The following CACNA2D3 variants were observed in gnomAD, a reference collection of about 807,000 sequenced individuals.
CACNA2D3 encodes calcium voltage-gated channel auxiliary subunit alpha2delta 3, also known as voltage-dependent calcium channel subunit alpha-2/delta-3.
A neutral mutation model predicts 160.6 loss-of-function variants in CACNA2D3; 60 were observed. That is an observed-to-expected ratio of 0.37 (90% CI 0.30 to 0.46). CACNA2D3 has a LOEUF of 0.46. Ranked by LOEUF, CACNA2D3 falls within the 20% of genes least tolerant of loss-of-function variation. The pLI is 1.00. For synonymous variants in CACNA2D3, 558 were observed against 492.9 expected (o/e 1.13, Z -1.75); for missense variants, 1,205 against 1,365.0 (o/e 0.88, Z 1.85).
At chr3:54,185,465 A>T (rs189697122) in intron 2 of CACNA2D3, among the ~76,000 whole-genome samples, 24 of 152,216 alleles carry the variant, frequency 1.6e-4, no homozygotes, top group African/African-American at 5.5e-4. Flanking sequence ...CCAAAATTTT[A>T]ATTTGTCTGC....
At chr3:54,977,694 G>A (rs1702421890) in intron 29 of CACNA2D3, among the ~76,000 whole-genome samples, 2 of 152,192 alleles carry the variant, frequency 1.3e-5, no homozygotes, top group African/African-American at 2.4e-5. Flanking sequence ...GAGGTTAGCC[G>A]CCCCTTGCTT....
At chr3:54,670,078 C>G (rs1026137451) in intron 11 of CACNA2D3, among the ~76,000 whole-genome samples, 1 of 152,166 alleles carries the variant, frequency 6.6e-6, no homozygotes, top group African/African-American at 2.4e-5. Flanking sequence ...CCTTGCTCTC[C>G]CCCACAGGAA....
chr3:54,159,552 A>C (rs1700304704), intron 2 of CACNA2D3, among the ~76,000 whole-genome samples: 1 of 152,128 alleles, frequency 6.6e-6, no homozygotes, highest in South Asian at 2.1e-4. Flanking sequence ...AATTCAATGA[A>C]CCTTTCTCCG....
chr3:54,244,804 G>A (rs117356159), intron 2 of CACNA2D3, among the ~76,000 whole-genome samples: 3,657 of 152,270 alleles, frequency 0.024, 109 homozygotes, highest in African/African-American at 0.072. Flanking sequence ...TTACAGTACT[G>A]TCTATACATA....
chr3:54,287,193 C>T (rs1296431848), intron 2 of CACNA2D3, among the ~76,000 whole-genome samples: 1 of 152,038 alleles, frequency 6.6e-6, no homozygotes, highest in Non-Finnish European at 1.5e-5. Context: ...ATCTCACGTG[C>T]AGAGACACAC....
rs1423369519 is a variant in CACNA2D3, at chr3:54,503,530, C to A, written c.420C>A (p.Asp140Glu). 1 of 1,613,836 alleles carries A rather than the reference C, an allele frequency of 6.2e-7. No homozygotes were observed. The highest frequency in any genetic ancestry group is 8.5e-7 in the Non-Finnish European group (1 of 1,179,776). ...YFNAVLINER[D>E]KDGNFLELGK... Reference sequence around the variant, plus strand: ...ATGCTGTGCTGATAAATGAAAGGGACAAAGACGGGAATTTTTTGGAGCTGG... The same window carrying A: ...ATGCTGTGCTGATAAATGAAAGGGAAAAAGACGGGAATTTTTTGGAGCTGG... The change falls in exon 5 of 38, where the codon GAC becomes GAA. Residue 140 changes from aspartate (D) to glutamate (E), a missense_variant. Around this residue, in one of 3 missense-constraint regions of CACNA2D3, gnomAD observed 131 missense variants for 201.5 expected, o/e 0.65. Coordinates refer to ENST00000474759, the MANE Select transcript of CACNA2D3 (RefSeq NM_018398.3).
rs762179372 is a variant in CACNA2D3 at position 54,880,845 on chromosome 3, A to G, written c.1894A>G (p.Asn632Asp). ...RGHGKYFFRGNVTIEEGLHDL... is the reference protein window; with the variant it reads ...RGHGKYFFRGDVTIEEGLHDL... Reference sequence around the variant, plus strand: ...TCATGGGAAATATTTCTTCCGAGGGAATGTAACCATCGAAGAAGGTAAGAT... The same window carrying G: ...TCATGGGAAATATTTCTTCCGAGGGGATGTAACCATCGAAGAAGGTAAGAT... The change falls in exon 21 of 38, where the codon AAT becomes GAT. Residue 632 changes from asparagine to aspartate, a missense_variant. By Grantham distance (23) the Asn-to-Asp change is conservative. Coordinates refer to ENST00000474759, the MANE Select transcript of CACNA2D3 (RefSeq NM_018398.3). 1 of 1,613,702 alleles carries G rather than the reference A, an allele frequency of 6.2e-7. No homozygotes were observed. Among genetic ancestry groups the G allele is most frequent in the Admixed American group, 1.7e-5 (1 of 59,996 alleles).
At chr3:54,405,596 C>T (rs1375785791) in intron 4 of CACNA2D3, among the ~76,000 whole-genome samples, 1 of 151,940 alleles carries the variant, frequency 6.6e-6, no homozygotes, top group Non-Finnish European at 1.5e-5. Context: ...AAATGTAAAA[C>T]CTGAAACCAT....
chr3:54,408,059 T>TGAGA (rs1699606695), intron 4 of CACNA2D3, among the ~76,000 whole-genome samples: 1 of 152,208 alleles, frequency 6.6e-6, no homozygotes, highest in East Asian at 1.9e-4. Context: ...TTTCTTCTCC[T>TGAGA]AGAACTTACT....
intron 11 of CACNA2D3, among the ~76,000 whole-genome samples, chr3:54,687,736 T>A (rs1313747545): frequency 2.4e-4 from 37 of 152,220 alleles, no homozygotes; most frequent in Non-Finnish European, 4.4e-5. Context: ...AACTTGGCTT[T>A]CTAAACCCTT....
chr3:54,662,111 C>T (rs1699984796), intron 11 of CACNA2D3, among the ~76,000 whole-genome samples: 1 of 151,888 alleles, frequency 6.6e-6, no homozygotes, highest in Admixed American at 6.6e-5. Flanking sequence ...AGTGGATGCC[C>T]AATGCTCAGT....
chr3:54,997,076 A>G (rs1438796802), intron 31 of CACNA2D3, among the ~76,000 whole-genome samples: 1 of 152,148 alleles, frequency 6.6e-6, no homozygotes, highest in African/African-American at 2.4e-5. Flanking sequence ...AATGTAGATG[A>G]TGGGTTGATG....
At chr3:54,787,138 C>T (rs2106638876) in intron 13 of CACNA2D3, among the ~76,000 whole-genome samples, 1 of 152,266 alleles carries the variant, frequency 6.6e-6, no homozygotes, top group East Asian at 1.9e-4. Context: ...ATTCAGTACT[C>T]ATAACGCGTT....
At chr3:54,554,608 C>A (rs1285055637) in intron 5 of CACNA2D3, among the ~76,000 whole-genome samples, 1 of 152,038 alleles carries the variant, frequency 6.6e-6, no homozygotes, top group Non-Finnish European at 1.5e-5. Context: ...CTTGTCTCAG[C>A]TACCTTTGAG....
intron 11 of CACNA2D3, among the ~76,000 whole-genome samples, chr3:54,677,043 G>A (rs1474993248): frequency 6.6e-6 from 1 of 152,148 alleles, no homozygotes; most frequent in East Asian, 1.9e-4. Flanking sequence ...ATTCAGAAAG[G>A]AGTTGATATG....
At chr3:54,957,337 T>TG (rs1342702798) in intron 27 of CACNA2D3, among the ~76,000 whole-genome samples, 2 of 151,984 alleles carry the variant, frequency 1.3e-5, no homozygotes, top group Non-Finnish European at 2.9e-5. Context: ...TTTATAGAGA[T>TG]GGGGTCTCAC....
chr3:54,293,358 A>G (rs62253246), intron 2 of CACNA2D3, among the ~76,000 whole-genome samples: 1 of 151,812 alleles, frequency 6.6e-6, no homozygotes, highest in Non-Finnish European at 1.5e-5. Context: ...CCACCTTACA[A>G]CCTTTCCCCA....
At chr3:54,552,530 C>T (rs1389500596) in intron 5 of CACNA2D3, among the ~76,000 whole-genome samples, 3 of 152,116 alleles carry the variant, frequency 2.0e-5, no homozygotes, top group Admixed American at 1.3e-4. Context: ...AGCAAACTTC[C>T]GCTTTGAGCA....
chr3:54,299,112 C>A (rs1167014571), intron 2 of CACNA2D3, among the ~76,000 whole-genome samples: 1 of 151,872 alleles, frequency 6.6e-6, no homozygotes, highest in African/African-American at 2.4e-5. Context: ...GTGAGATGTA[C>A]CTTTTGATAC....
Sources: allele counts gnomAD v4.1 joint callset (sites outside exome capture counted in the v4.1 genomes callset), GRCh38; gene constraint gnomAD v4.1.1; regional missense constraint gnomAD v4.1.1; transcripts MANE v1.5; gene names NCBI Gene and HGNC (gene_info 2026-07-23, HGNC 2026-07-21).